The following SEMA6D variants were observed in gnomAD, a reference collection of about 807,000 sequenced individuals.
The protein encoded by SEMA6D is semaphorin 6D.
A neutral mutation model predicts 106.6 loss-of-function variants in SEMA6D; 35 were observed. The ratio of observed to expected loss-of-function variants is 0.33; its 90% CI spans 0.25 to 0.44. The LOEUF is 0.44. SEMA6D is among the 20% of genes least tolerant of loss of function. The pLI is 1.00. For synonymous variants in SEMA6D, 499 were observed against 487.7 expected (o/e 1.02, Z -0.31); for missense variants, 1,185 against 1,345.9 (o/e 0.88, Z 1.87).
At chr15:47,535,644 C>T (rs1016356670) in intron 3 of SEMA6D, among the ~76,000 whole-genome samples, 2 of 150,778 alleles carry the variant, frequency 1.3e-5, no homozygotes, top group African/African-American at 4.9e-5. Flanking sequence ...GATACAAAAC[C>T]ACTATAATAC....
intron 1 of SEMA6D, among the ~76,000 whole-genome samples, chr15:47,313,349 T>A (rs2036518532): frequency 6.6e-6 from 1 of 152,216 alleles, no homozygotes; most frequent in Non-Finnish European, 1.5e-5. Context: ...TTTCCAAATG[T>A]CATATAGTAA....
chr15:47,471,929 T>TCACACACACA (rs1451428855), intron 3 of SEMA6D, among the ~76,000 whole-genome samples: 11 of 106,066 alleles, frequency 1.0e-4, no homozygotes, highest in Non-Finnish European at 1.8e-4. Context: ...TCTCTCTCTC[T>TCACACACACA]CTCACACACA....
intron 1 of SEMA6D, among the ~76,000 whole-genome samples, chr15:47,261,018 T>C (rs553021445): frequency 6.6e-6 from 1 of 152,278 alleles, no homozygotes; most frequent in East Asian, 1.9e-4. Context: ...ATTTACCTTC[T>C]TATCATTTTT....
At chr15:47,560,330 CAAT>C (rs924785827) in intron 3 of SEMA6D, among the ~76,000 whole-genome samples, 6 of 151,862 alleles carry the variant, frequency 4.0e-5, no homozygotes, top group African/African-American at 1.2e-4. Context: ...AGCATAATAA[CAAT>C]GACTCAACAA....
chr15:47,480,944 C>CTTTGTGT lies in SEMA6D; in HGVS notation c.-87+10403_-87+10409dup, dbSNP rs372063451. On this transcript the variant is annotated intron_variant, in intron 3 of 19. Coordinates refer to the SEMA6D transcript ENST00000558014. ...AGACCTCAGGCTGGGTTATGTGCAC[C>CTTTGTGT]TTTGTGTTTTCATTGCCCTTTGATC... Among the ~76,000 whole-genome samples the CTTTGTGT allele has an allele frequency of 5.4e-3, 827 of 152,192 alleles. 9 individuals are homozygous for CTTTGTGT. The highest frequency in any genetic ancestry group is 0.019 in the African/African-American group (774 of 41,546).
rs758159662 is a variant in SEMA6D, at chr15:47,766,220, CCTCTCCAGG to C, written c.1646+39_1646+47del. On this transcript the variant is annotated intron_variant, in intron 15 of 18. Coordinates refer to ENST00000536845, the MANE Select transcript of SEMA6D (RefSeq NM_001358351.3). ...TGTCACATGAGCTAGGATGAACTAT[CCTCTCCAGG>C]GTCTCTAAAGCTAGAAATTGCAGAA... 369 of 1,555,768 alleles carry C rather than the reference CCTCTCCAGG, an allele frequency of 2.4e-4. 2 individuals are homozygous for C. In the South Asian group the frequency reaches 3.9e-3, roughly 17 times the overall value.
At chr15:47,686,824 G>T (rs903610918) in intron 4 of SEMA6D, among the ~76,000 whole-genome samples, 5 of 152,082 alleles carry the variant, frequency 3.3e-5, no homozygotes, top group Non-Finnish European at 4.4e-5. Flanking sequence ...CCAGCACTTT[G>T]GGGGACTGAG....
At position 47,433,517 on chromosome 15, in the gene SEMA6D, T is replaced by A. The variant is rs555515215; in HGVS notation, c.-159+21045T>A. ...TCAAAAGAATAGCAGGTTTTAGATT[T>A]CAATAAAAATTGACCCCTTGTAGAG... is the stretch of plus-strand genomic sequence containing the variant. On this transcript the variant is annotated intron_variant, in intron 2 of 19. Coordinates refer to the SEMA6D transcript ENST00000558014. Among the ~76,000 whole-genome samples the A allele has an allele frequency of 9.7e-4, 148 of 152,222 alleles. 3 individuals are homozygous for A. In the South Asian group the frequency reaches 0.03, roughly 30 times the overall value.
At chr15:47,346,743 A>G (rs1414025986) in intron 1 of SEMA6D, among the ~76,000 whole-genome samples, 1 of 152,100 alleles carries the variant, frequency 6.6e-6, no homozygotes, top group Non-Finnish European at 1.5e-5. Flanking sequence ...TTTCTATCTT[A>G]AGTAAATTTT....
chr15:47,446,581 G>A (rs2042036178), intron 2 of SEMA6D, among the ~76,000 whole-genome samples: 1 of 152,230 alleles, frequency 6.6e-6, no homozygotes, highest in African/African-American at 2.4e-5. Context: ...CCTCAATCTG[G>A]TGTAAAGCGG....
At chr15:47,322,153 A>G (rs2036947288) in intron 1 of SEMA6D, among the ~76,000 whole-genome samples, 1 of 152,190 alleles carries the variant, frequency 6.6e-6, no homozygotes, top group Non-Finnish European at 1.5e-5. Context: ...GCTTATTGGA[A>G]AGTTGCAAAA....
At chr15:47,486,675 A>T (rs2043306072) in intron 3 of SEMA6D, among the ~76,000 whole-genome samples, 2 of 152,238 alleles carry the variant, frequency 1.3e-5, no homozygotes, top group South Asian at 4.1e-4. Flanking sequence ...GAGCATACTC[A>T]TATGTTAATG....
At chr15:47,691,391 T>C (rs1484136657) in intron 4 of SEMA6D, among the ~76,000 whole-genome samples, 1 of 152,124 alleles carries the variant, frequency 6.6e-6, no homozygotes, top group Non-Finnish European at 1.5e-5. Context: ...TATAAATACT[T>C]TCTCCATCTT....
At chr15:47,380,513 C>T (rs1454175295) in intron 1 of SEMA6D, 1 of 152,164 alleles carries the variant, frequency 6.6e-6, no homozygotes, top group Non-Finnish European at 1.5e-5. Context: ...GAATCCACAT[C>T]AATGCAATTT....
intron 4 of SEMA6D, among the ~76,000 whole-genome samples, chr15:47,640,580 A>G (rs2077470357): frequency 6.6e-6 from 1 of 152,196 alleles, no homozygotes; most frequent in Admixed American, 6.5e-5. Flanking sequence ...GGGATCATTA[A>G]AAAGAAAGGT....
chr15:47,588,980 T>C (rs2076390230), intron 3 of SEMA6D, among the ~76,000 whole-genome samples: 1 of 152,166 alleles, frequency 6.6e-6, no homozygotes, highest in Non-Finnish European at 1.5e-5. Flanking sequence ...AGGATGTTGC[T>C]AAACATCGTA....
chr15:47,717,968 G>A (rs938878587), intron 1 of SEMA6D, among the ~76,000 whole-genome samples: 1 of 152,090 alleles, frequency 6.6e-6, no homozygotes, highest in African/African-American at 2.4e-5. Context: ...TTTGGCGGAC[G>A]CGTCAAAACT....
chr15:47,397,394 G>C (rs2040247421), intron 1 of SEMA6D: 1 of 152,174 alleles, frequency 6.6e-6, no homozygotes, highest in Admixed American at 6.5e-5. Context: ...TATGAGGGCA[G>C]ATAGTGTCCT....
At chr15:47,410,973 C>A (rs1463826293) in intron 1 of SEMA6D, among the ~76,000 whole-genome samples, 1 of 151,734 alleles carries the variant, frequency 6.6e-6, no homozygotes, top group East Asian at 1.9e-4. Context: ...TTTTTCTCTC[C>A]ACTTAAATAC....
Sources: allele counts gnomAD v4.1 joint callset (sites outside exome capture counted in the v4.1 genomes callset), GRCh38; gene constraint gnomAD v4.1.1; transcripts MANE v1.5; gene names NCBI Gene and HGNC (gene_info 2026-07-23, HGNC 2026-07-21).